Variants in NPSR1 observed in about 807,000 individuals in gnomAD.
NPSR1 encodes neuropeptide S receptor.
NPSR1 carries 48 observed loss-of-function variants against 46.9 expected under a neutral mutation model. That is an observed-to-expected ratio of 1.02 (90% CI 0.81 to 1.30). The LOEUF (loss-of-function observed/expected upper bound fraction) is 1.30, where lower values mean the gene tolerates loss of function less well. NPSR1 is among the 50% of genes most tolerant of loss of function. The pLI is 0.00. For missense variants in NPSR1, 450 were observed against 449.5 expected (o/e 1.00, Z -0.01); for synonymous variants, 176 against 168.1 (o/e 1.05, Z -0.36).
At chr7:34,728,359 G>T (rs935047946) in intron 2 of NPSR1, among the ~76,000 whole-genome samples, 6 of 152,208 alleles carry the variant, frequency 3.9e-5, no homozygotes, top group Admixed American at 2.6e-4. Context: ...GAGGCATGCT[G>T]GAGGCGGGCT....
At chr7:34,766,673 C>T (rs992713063) in intron 2 of NPSR1, among the ~76,000 whole-genome samples, 1 of 151,816 alleles carries the variant, frequency 6.6e-6, no homozygotes, top group Non-Finnish European at 1.5e-5. Context: ...CCTGGGTTCA[C>T]GCCATTCTCC....
At chr7:34,754,264 T>C (rs1242376726) in intron 2 of NPSR1, among the ~76,000 whole-genome samples, 1 of 152,174 alleles carries the variant, frequency 6.6e-6, no homozygotes, top group Non-Finnish European at 1.5e-5. Context: ...AGAACACATG[T>C]TCTTGTACCT....
intron 2 of NPSR1, among the ~76,000 whole-genome samples, chr7:34,747,368 G>C (rs568497762): frequency 2.6e-5 from 4 of 152,270 alleles, no homozygotes; most frequent in African/African-American, 9.6e-5. Flanking sequence ...TCTAGGCAGA[G>C]AGCTTGAAAC....
intron 2 of NPSR1, among the ~76,000 whole-genome samples, chr7:34,709,877 G>A (rs1418963721): frequency 6.6e-6 from 1 of 152,128 alleles, no homozygotes; most frequent in African/African-American, 2.4e-5. Flanking sequence ...AGATGAGAAG[G>A]AGAAACCATT....
intron 2 of NPSR1, among the ~76,000 whole-genome samples, chr7:34,732,604 G>A (rs1784476307): frequency 2.0e-5 from 3 of 152,174 alleles, no homozygotes; most frequent in Admixed American, 6.5e-5. Context: ...CAGGCAACCT[G>A]GGGAGAATTT....
chr7:34,777,590 T>A (rs1466388824), intron 2 of NPSR1, among the ~76,000 whole-genome samples: 2 of 152,112 alleles, frequency 1.3e-5, no homozygotes, highest in African/African-American at 4.8e-5. Context: ...AGCTACTTTT[T>A]TTGTGTGTAG....
intron 3 of NPSR1, among the ~76,000 whole-genome samples, chr7:34,799,686 A>C (rs1788379058): frequency 6.9e-6 from 1 of 144,814 alleles, no homozygotes; most frequent in Non-Finnish European, 1.5e-5. Flanking sequence ...AGCTAACATC[A>C]TAATGACAGG....
chr7:34,864,518 A>T (rs1293714926), intron 8 of NPSR1, among the ~76,000 whole-genome samples: 3 of 151,850 alleles, frequency 2.0e-5, no homozygotes, highest in African/African-American at 4.9e-5. Context: ...GTACAAAGAT[A>T]TTAAACCCCA....
intron 2 of NPSR1, among the ~76,000 whole-genome samples, chr7:34,771,884 AC>A (rs1270264213): frequency 6.6e-6 from 1 of 152,188 alleles, no homozygotes; most frequent in Non-Finnish European, 1.5e-5. Context: ...GGATATAATA[AC>A]TGCTTAATAA....
chr7:34,689,333 C>G (rs1052534931), intron 2 of NPSR1, among the ~76,000 whole-genome samples: 3 of 152,144 alleles, frequency 2.0e-5, no homozygotes, highest in Admixed American at 2.0e-4. Context: ...GGGCCAGGCA[C>G]AGTGGCTCAC....
chr7:34,852,551 C>G (rs772291638), downstream of NPSR1, among the ~76,000 whole-genome samples: 1 of 152,012 alleles, frequency 6.6e-6, no homozygotes, highest in Non-Finnish European at 1.5e-5. Flanking sequence ...AATTCTTTCC[C>G]CAGGGGACCA....
At chr7:34,735,670 T>C (rs755490636) in intron 2 of NPSR1, among the ~76,000 whole-genome samples, 20 of 152,236 alleles carry the variant, frequency 1.3e-4, no homozygotes, top group Non-Finnish European at 2.8e-4. Flanking sequence ...TTTTCAAATG[T>C]TCATTTCTTT....
intron 3 of NPSR1, among the ~76,000 whole-genome samples, chr7:34,798,573 A>G (rs1315293744): frequency 2.0e-5 from 3 of 152,120 alleles, no homozygotes; most frequent in Non-Finnish European, 4.4e-5. Flanking sequence ...AGAGAAATAC[A>G]ATTTAACTGA....
At chr7:34,699,433 C>T (rs1303496450) in intron 2 of NPSR1, among the ~76,000 whole-genome samples, 2 of 152,224 alleles carry the variant, frequency 1.3e-5, no homozygotes, top group Non-Finnish European at 2.9e-5. Context: ...GTGTTTTCCT[C>T]TTAGCCTCAA....
At chr7:34,732,286 G>A (rs1392768867) in intron 2 of NPSR1, among the ~76,000 whole-genome samples, 1 of 152,168 alleles carries the variant, frequency 6.6e-6, no homozygotes, top group Non-Finnish European at 1.5e-5. Flanking sequence ...CTCGCACTCT[G>A]GGGAATGCTG....
At chr7:34,726,180 C>T (rs1377923325) in intron 2 of NPSR1, among the ~76,000 whole-genome samples, 2 of 151,988 alleles carry the variant, frequency 1.3e-5, no homozygotes, top group Non-Finnish European at 2.9e-5. Flanking sequence ...AACAAATAGC[C>T]CAATTAAAAA....
At chr7:34,811,670 A>G (rs1274451551) in intron 3 of NPSR1, 100 bp from the exon 4 acceptor site, 3 of 739,008 alleles carry the variant, frequency 4.1e-6, no homozygotes, top group African/African-American at 1.8e-5. Context: ...TCTTTGGTTC[A>G]CCTCTCAGAT....
intron 6 of NPSR1, among the ~76,000 whole-genome samples, chr7:34,841,022 A>G (rs1389927723): frequency 1.3e-5 from 2 of 152,248 alleles, no homozygotes; most frequent in Non-Finnish European, 2.9e-5. Context: ...TTACTGTTCA[A>G]AATGAATTTC....
chr7:34,755,761 C>A (rs1442639770), intron 2 of NPSR1, among the ~76,000 whole-genome samples: 2 of 151,858 alleles, frequency 1.3e-5, no homozygotes, highest in African/African-American at 4.8e-5. Context: ...AGAAACTTAG[C>A]TCCTTCCCTA....
Sources: allele counts gnomAD v4.1 joint callset (sites outside exome capture counted in the v4.1 genomes callset), GRCh38; gene constraint gnomAD v4.1.1; transcripts MANE v1.5; gene names NCBI Gene and HGNC (gene_info 2026-07-23, HGNC 2026-07-21).